COL21A1: variants seen among roughly 807,000 people sequenced by gnomAD.
The protein encoded by COL21A1 is collagen alpha-1(XXI) chain.
A neutral mutation model predicts 137.9 loss-of-function variants in COL21A1; 149 were observed. The ratio of observed to expected loss-of-function variants is 1.08; its 90% CI spans 0.95 to 1.24. The LOEUF (loss-of-function observed/expected upper bound fraction) is 1.24. COL21A1 is among the 50% of genes most tolerant of loss of function. The probability of loss-of-function intolerance (pLI) is 0.00; values close to 1 mark genes in which losing one functional copy is unlikely to be tolerated. For synonymous variants in COL21A1, 456 were observed against 391.5 expected, an observed-to-expected ratio of 1.16 and a Z score of -1.95; for missense variants, 1,167 against 1,158.4, an observed-to-expected ratio of 1.01 and a Z score of -0.11.
At chr6:56,147,957 A>G (rs1774968555) in intron 10 of COL21A1, among the ~76,000 whole-genome samples, 1 of 147,268 alleles carries the variant, frequency 6.8e-6, no homozygotes, top group Non-Finnish European at 1.5e-5. Flanking sequence ...TTTGGATTAT[A>G]CGCAAATTCA....
chr6:56,255,312 G>A (rs970314960), intron 1 of COL21A1, among the ~76,000 whole-genome samples: 7 of 149,312 alleles, frequency 4.7e-5, no homozygotes, highest in Non-Finnish European at 8.9e-5. Context: ...TAACCTTCTA[G>A]AGTGATCACT....
intron 1 of COL21A1, among the ~76,000 whole-genome samples, chr6:56,329,608 A>G (rs546660047): frequency 6.6e-6 from 1 of 152,042 alleles, no homozygotes; most frequent in Non-Finnish European, 1.5e-5. Context: ...GAGAACATGC[A>G]TGGAACAACA....
chr6:56,097,294 A>T (rs62404896), intron 17 of COL21A1, among the ~76,000 whole-genome samples: 23,070 of 152,034 alleles, frequency 0.15, 1,777 homozygotes, highest in Middle Eastern at 0.22. Context: ...TTTTTTACCC[A>T]CTAGATTTAG....
chr6:56,074,382 C>A, intron 19 of COL21A1, 97 bp from the exon 20 acceptor site: 2 of 753,408 alleles, frequency 2.7e-6, no homozygotes, highest in South Asian at 1.9e-5. Context: ...AATTAATTCA[C>A]TAAATTATAA....
At chr6:56,148,369 A>AGAGAGAGAGAG (rs67984339) in intron 10 of COL21A1, among the ~76,000 whole-genome samples, 7 of 145,236 alleles carry the variant, frequency 4.8e-5, no homozygotes, top group Non-Finnish European at 7.4e-5. Flanking sequence ...AGAGAGAGAG[A>AGAGAGAGAGAG]AACACATAAA....
chr6:56,308,062 C>A (rs1368992068), intron 1 of COL21A1, among the ~76,000 whole-genome samples: 1 of 152,084 alleles, frequency 6.6e-6, no homozygotes, highest in African/African-American at 2.4e-5. Flanking sequence ...GTGAATGACC[C>A]CCAACACTCA....
chr6:56,214,973 T>G (rs78180909), intron 1 of COL21A1, among the ~76,000 whole-genome samples: 1 of 152,096 alleles, frequency 6.6e-6, no homozygotes, highest in Non-Finnish European at 1.5e-5. Context: ...AATTAAAACG[T>G]CCAGTCACAT....
At chr6:56,345,232 G>A (rs1451571718) in intron 1 of COL21A1, among the ~76,000 whole-genome samples, 2 of 152,158 alleles carry the variant, frequency 1.3e-5, no homozygotes, top group Non-Finnish European at 2.9e-5. Context: ...TGAGTTAGGA[G>A]TAGAAAGACA....
Position 56,376,987 on chromosome 6 carries a change from T to TA in COL21A1, c.-39+16983_-39+16984insT, listed in dbSNP as rs1488499029. Among the ~76,000 whole-genome samples the TA allele has an allele frequency of 2.0e-4, 30 of 150,538 alleles. 1 individual carries two copies. The South Asian group carries it at 6.4e-3, about 32-fold the overall frequency. ...CGAGAGGTAGAAAAAAGTCTTTTTT[T>TA]TTTTTTTTGAGACAGAGTCTCACAC... On this transcript the variant is annotated intron_variant, in intron 1 of 28. Coordinates refer to the COL21A1 transcript ENST00000370819.
chr6:56,300,500 A>T (rs1216820912), intron 1 of COL21A1, among the ~76,000 whole-genome samples: 8 of 152,144 alleles, frequency 5.3e-5, no homozygotes, highest in African/African-American at 1.9e-4. Flanking sequence ...TTGCTCATTC[A>T]TTGGATATAA....
At chr6:56,185,206 T>C (rs546676842) in intron 1 of COL21A1, among the ~76,000 whole-genome samples, 1 of 151,576 alleles carries the variant, frequency 6.6e-6, no homozygotes, top group African/African-American at 2.4e-5. Context: ...GTAGAAAAGG[T>C]ATAAAAAACT....
intron 16 of COL21A1, among the ~76,000 whole-genome samples, chr6:56,101,854 T>C (rs1770492126): frequency 6.6e-6 from 1 of 152,168 alleles, no homozygotes; most frequent in Non-Finnish European, 1.5e-5. Context: ...CCTATTCATA[T>C]ATACTTTTTC....
intron 1 of COL21A1, among the ~76,000 whole-genome samples, chr6:56,260,667 G>T (rs1405763625): frequency 3.8e-5 from 5 of 131,100 alleles, no homozygotes; most frequent in Non-Finnish European, 8.3e-5. Context: ...AATGAAGGAA[G>T]GAAGGAAGGA....
chr6:56,318,801 A>ACATATACTTCTT (rs900476203), intron 1 of COL21A1, among the ~76,000 whole-genome samples: 5 of 152,124 alleles, frequency 3.3e-5, no homozygotes, highest in African/African-American at 1.2e-4. Flanking sequence ...TTAAAGAAGT[A>ACATATACTTCTT]TATGTCTAGT....
chr6:56,245,411 T>A (rs939210590), intron 1 of COL21A1, among the ~76,000 whole-genome samples: 3 of 152,160 alleles, frequency 2.0e-5, no homozygotes, highest in Non-Finnish European at 4.4e-5. Flanking sequence ...ATAAGGATAA[T>A]TTGAGGATGT....
chr6:56,206,333 T>C (rs1402901427), intron 1 of COL21A1, among the ~76,000 whole-genome samples: 2 of 146,002 alleles, frequency 1.4e-5, no homozygotes, highest in African/African-American at 5.0e-5. Flanking sequence ...AAAGCAGAGG[T>C]TGTAATCCTA....
At chr6:56,265,457 T>A (rs1763371910) in intron 1 of COL21A1, among the ~76,000 whole-genome samples, 1 of 152,224 alleles carries the variant, frequency 6.6e-6, no homozygotes, top group South Asian at 2.1e-4. Context: ...CCCTTTCCCG[T>A]CCTTCCTCCT....
intron 1 of COL21A1, among the ~76,000 whole-genome samples, chr6:56,184,577 A>G (rs1778137401): frequency 6.6e-6 from 1 of 152,216 alleles, no homozygotes; most frequent in African/African-American, 2.4e-5. Context: ...AGTTTCACCT[A>G]GTTAATATTT....
At chr6:56,287,191 A>T (rs1184825405) in intron 1 of COL21A1, among the ~76,000 whole-genome samples, 1 of 152,214 alleles carries the variant, frequency 6.6e-6, no homozygotes, top group Non-Finnish European at 1.5e-5. Flanking sequence ...AGACTACTTG[A>T]CATATTTGAA....
Sources: gnomAD v4.1 joint callset for allele counts (sites outside exome capture counted in the v4.1 genomes callset) on GRCh38, gnomAD v4.1.1 for gene constraint, MANE v1.5 for transcripts, NCBI Gene and HGNC (gene_info 2026-07-23, HGNC 2026-07-21) for gene names.